Variants in CDH4 observed in about 807,000 individuals in gnomAD.
The protein encoded by CDH4 is cadherin-4.
CDH4 carries 33 observed loss-of-function variants against 86.0 expected under a neutral mutation model. The observed-to-expected ratio is 0.38, with a 90% CI of 0.29 to 0.51. CDH4 has a LOEUF of 0.51. Among genes scored for constraint, CDH4 ranks in the 20% least tolerant of loss-of-function variants. The probability of loss-of-function intolerance (pLI) is 0.86; values close to 1 mark genes in which losing one functional copy is unlikely to be tolerated. For missense variants in CDH4, 1,114 were observed against 1,307.4 expected (o/e 0.85, Z 2.28); for synonymous variants, 555 against 549.4 (o/e 1.01, Z -0.14).
Position 61,788,599 on chromosome 20 carries a change from C to T in CDH4, c.576+15417C>T, listed in dbSNP as rs185022594. 6.6e-4 allele frequency among the ~76,000 whole-genome samples: 101 copies of T among 152,304 alleles called. 1 individual carries two copies. Among genetic ancestry groups the T allele is most frequent in the Middle Eastern group, 6.8e-3 (2 of 294 alleles). ...CATCAGCCCTCCTGGGCTCCCAGCC[C>T]GGCAGTGTTTTCCTGCTGACAGCAG... On this transcript the variant is annotated intron_variant, in intron 4 of 15. Transcript: ENST00000614565.
chr20:61,261,784 A>G (rs2084128792), intron 2 of CDH4, among the ~76,000 whole-genome samples: 1 of 152,242 alleles, frequency 6.6e-6, no homozygotes, highest in East Asian at 1.9e-4. Context: ...TGCAGTAAAC[A>G]GAGGCCCTCA....
At chr20:61,796,628 G>A (rs1207897335) in intron 4 of CDH4, among the ~76,000 whole-genome samples, 1 of 152,204 alleles carries the variant, frequency 6.6e-6, no homozygotes, top group Non-Finnish European at 1.5e-5. Context: ...CCCCTGGGGT[G>A]TGGTTAGCCC....
At chr20:61,652,895 TC>T (rs1193125604) in intron 2 of CDH4, among the ~76,000 whole-genome samples, 1 of 148,468 alleles carries the variant, frequency 6.7e-6, no homozygotes, top group Non-Finnish European at 1.5e-5. Flanking sequence ...TTTATTACTC[TC>T]CCAAAGGTTA....
At chr20:61,702,242 TG>T (rs1375428915) in intron 2 of CDH4, among the ~76,000 whole-genome samples, 3 of 152,178 alleles carry the variant, frequency 2.0e-5, no homozygotes, top group Non-Finnish European at 4.4e-5. Context: ...TCTGACAAAC[TG>T]GGTTTTGCTG....
chr20:61,846,656 C>G (rs1042966156), intron 5 of CDH4, among the ~76,000 whole-genome samples: 1 of 152,180 alleles, frequency 6.6e-6, no homozygotes, highest in Non-Finnish European at 1.5e-5. Flanking sequence ...CCGTGAGAAA[C>G]AGATTCAGAG....
At chr20:61,845,281 G>A (rs905739489) in intron 5 of CDH4, among the ~76,000 whole-genome samples, 6 of 152,262 alleles carry the variant, frequency 3.9e-5, no homozygotes, top group East Asian at 1.9e-4. Context: ...CAATAGTCCT[G>A]CAAGCTTTTC....
At chr20:61,444,968 G>A (rs535302529) in intron 2 of CDH4, among the ~76,000 whole-genome samples, 6 of 148,916 alleles carry the variant, frequency 4.0e-5, no homozygotes, top group South Asian at 2.2e-4. Flanking sequence ...TATGTGTGTG[G>A]GTTTCTTTGC....
intron 2 of CDH4, among the ~76,000 whole-genome samples, chr20:61,502,856 T>C (rs563079873): frequency 1.3e-5 from 2 of 152,322 alleles, no homozygotes; most frequent in African/African-American, 4.8e-5. Flanking sequence ...TAAACCACAT[T>C]CTTAACATTT....
chr20:61,334,983 A>C (rs1457344619), intron 2 of CDH4, among the ~76,000 whole-genome samples: 1 of 152,210 alleles, frequency 6.6e-6, no homozygotes, highest in African/African-American at 2.4e-5. Context: ...AAGACTTCTC[A>C]GTAAGAGGCA....
intron 7 of CDH4, among the ~76,000 whole-genome samples, chr20:61,880,767 TG>T (rs1451730002): frequency 2.0e-5 from 3 of 152,232 alleles, no homozygotes; most frequent in African/African-American, 7.2e-5. Flanking sequence ...CCAGGCACGC[TG>T]GGCAGTGCGT....
At chr20:61,792,580 C>G (rs1302126686) in intron 4 of CDH4, among the ~76,000 whole-genome samples, 10 of 152,168 alleles carry the variant, frequency 6.6e-5, no homozygotes. Context: ...ATTCTATTGT[C>G]TCTTAGTCCA....
chr20:61,505,096 C>T (rs922673856), intron 2 of CDH4, among the ~76,000 whole-genome samples: 1 of 152,120 alleles, frequency 6.6e-6, no homozygotes, highest in Non-Finnish European at 1.5e-5. Flanking sequence ...TTTTAAAATC[C>T]GCATCTGCTT....
At chr20:61,665,726 A>G (rs577833226) in intron 2 of CDH4, among the ~76,000 whole-genome samples, 1 of 152,148 alleles carries the variant, frequency 6.6e-6, no homozygotes, top group Non-Finnish European at 1.5e-5. Flanking sequence ...GCTGTCTTAC[A>G]ATACACGGGG....
chr20:61,383,799 A>ATATATATATGAAGATATATATGCG (rs2084934893), intron 2 of CDH4, among the ~76,000 whole-genome samples: 5 of 42,738 alleles, frequency 1.2e-4, no homozygotes, highest in Admixed American at 3.1e-4. Context: ...ATATATATGC[A>ATATATATATGAAGATATATATGCG]TATATATGAA....
chr20:61,496,435 T>G (rs1344702670), intron 2 of CDH4, among the ~76,000 whole-genome samples: 1 of 152,110 alleles, frequency 6.6e-6, no homozygotes, highest in South Asian at 2.1e-4. Context: ...CACATGTTCC[T>G]GTGTTTCCTT....
intron 4 of CDH4, among the ~76,000 whole-genome samples, chr20:61,778,766 A>G (rs1042990171): frequency 3.2e-4 from 48 of 152,184 alleles, no homozygotes; most frequent in Admixed American, 1.3e-4. Flanking sequence ...GAACTTGGAT[A>G]GGGACTTTTC....
chr20:61,916,707 G>T (rs186386579), intron 9 of CDH4, among the ~76,000 whole-genome samples: 68 of 152,336 alleles, frequency 4.5e-4, no homozygotes, highest in African/African-American at 1.6e-3. Flanking sequence ...CTGCAGACCT[G>T]ACCAGGTCAC....
chr20:61,716,877 G>T (rs770953898), intron 2 of CDH4, among the ~76,000 whole-genome samples: 1 of 152,078 alleles, frequency 6.6e-6, no homozygotes, highest in Non-Finnish European at 1.5e-5. Context: ...CACTGTACTC[G>T]AGCCTGGGCA....
intron 2 of CDH4, among the ~76,000 whole-genome samples, chr20:61,565,095 G>GTGGTGGTGGTGGTGGTGC (rs1568688020): frequency 1.6e-5 from 2 of 127,836 alleles, no homozygotes; most frequent in African/African-American, 6.7e-5. Context: ...GGTGCTCTTG[G>GTGGTGGTGGTGGTGGTGC]TGGTGCTCTT....
Sources: gnomAD v4.1 joint callset for allele counts (sites outside exome capture counted in the v4.1 genomes callset) on GRCh38, gnomAD v4.1.1 for gene constraint, MANE v1.5 for transcripts, NCBI Gene and HGNC (gene_info 2026-07-23, HGNC 2026-07-21) for gene names.